The following HDAC9 variants were observed in gnomAD, a reference collection of about 807,000 sequenced individuals.
HDAC9 encodes histone deacetylase 9.
Under a neutral mutation model 139.4 loss-of-function variants are expected in HDAC9, and 41 were observed. That is an observed-to-expected ratio of 0.29 (90% CI 0.23 to 0.38). HDAC9 has a LOEUF of 0.38. Ranked by LOEUF, HDAC9 falls within the 10% of genes least tolerant of loss-of-function variation. The pLI is 1.00. For missense variants in HDAC9, 1,147 were observed against 1,297.0 expected (o/e 0.88, Z 1.78); for synonymous variants, 517 against 476.2 (o/e 1.09, Z -1.12).
intron 22 of HDAC9, among the ~76,000 whole-genome samples, chr7:18,884,050 A>T (rs1275375774): frequency 1.3e-5 from 2 of 152,190 alleles, no homozygotes; most frequent in African/African-American, 4.8e-5. Flanking sequence ...ATTGAAGAAG[A>T]TGTAAGTAAA....
chr7:18,897,319 T>A (rs1405615587), intron 22 of HDAC9, among the ~76,000 whole-genome samples: 2 of 151,996 alleles, frequency 1.3e-5, no homozygotes, highest in Non-Finnish European at 2.9e-5. Flanking sequence ...AAATGATCGC[T>A]TATTGAATAA....
chr7:18,519,200 C>A (rs1007904551), intron 2 of HDAC9, among the ~76,000 whole-genome samples: 2 of 152,134 alleles, frequency 1.3e-5, no homozygotes, highest in Non-Finnish European at 2.9e-5. Context: ...GTGATGTCAT[C>A]ACAACTCATT....
intron 12 of HDAC9, among the ~76,000 whole-genome samples, chr7:18,693,520 TAGGG>T (rs1368500576): frequency 6.6e-6 from 1 of 152,064 alleles, no homozygotes; most frequent in Non-Finnish European, 1.5e-5. Flanking sequence ...AATTTTCAAA[TAGGG>T]AGGAGAGAGA....
At chr7:18,977,346 T>C (rs968441089) in intron 25 of HDAC9, among the ~76,000 whole-genome samples, 2 of 152,208 alleles carry the variant, frequency 1.3e-5, no homozygotes, top group African/African-American at 4.8e-5. Context: ...TCTGTTAGTG[T>C]TGGATATAAA....
At chr7:18,749,704 AC>A (rs1329488575) in intron 14 of HDAC9, among the ~76,000 whole-genome samples, 10 of 152,186 alleles carry the variant, frequency 6.6e-5, no homozygotes, top group African/African-American at 2.2e-4. Flanking sequence ...GGAAAAATAT[AC>A]CTTTTTATGC....
At chr7:18,127,313 T>C (rs1206305083) in intron 1 of HDAC9, 1 of 170,356 alleles carries the variant, frequency 5.9e-6, no homozygotes, top group African/African-American at 2.4e-5. Flanking sequence ...ATTTGTTGCT[T>C]ATCTGAAATT....
intron 2 of HDAC9, among the ~76,000 whole-genome samples, chr7:18,535,722 C>CAAAAAA (rs72123660): frequency 1.4e-4 from 7 of 49,234 alleles, no homozygotes; most frequent in East Asian, 6.7e-4. Flanking sequence ...AGGCATTAAG[C>CAAAAAA]AAAAAAAAAA....
At chr7:18,104,440 A>C (rs1390439589) in intron 1 of HDAC9, among the ~76,000 whole-genome samples, 1 of 152,128 alleles carries the variant, frequency 6.6e-6, no homozygotes, top group African/African-American at 2.4e-5. Context: ...CTTGTCTGAG[A>C]AATTTAAAAA....
chr7:18,144,570 C>G (rs961691165), intron 1 of HDAC9, among the ~76,000 whole-genome samples: 1 of 152,178 alleles, frequency 6.6e-6, no homozygotes, highest in African/African-American at 2.4e-5. Context: ...TCATACCCTC[C>G]TCTGCTATAT....
chr7:18,300,803 A>G (rs1402883056), intron 1 of HDAC9, among the ~76,000 whole-genome samples: 2 of 152,170 alleles, frequency 1.3e-5, no homozygotes, highest in Admixed American at 1.3e-4. Context: ...CTAGAAGACA[A>G]AGATGATTTT....
At chr7:18,477,717 A>G (rs1795223937) in intron 1 of HDAC9, among the ~76,000 whole-genome samples, 1 of 152,124 alleles carries the variant, frequency 6.6e-6, no homozygotes. Flanking sequence ...TCGATTCTTA[A>G]AATTGGCCAT....
chr7:18,396,884 C>T (rs535544638), intron 1 of HDAC9, among the ~76,000 whole-genome samples: 1 of 152,130 alleles, frequency 6.6e-6, no homozygotes. Flanking sequence ...TTGTAAAACA[C>T]ATTTTTGTTT....
intron 2 of HDAC9, among the ~76,000 whole-genome samples, chr7:18,198,910 T>C (rs948693767): frequency 2.0e-5 from 3 of 152,100 alleles, no homozygotes; most frequent in Non-Finnish European, 4.4e-5. Context: ...CCCAGGATCA[T>C]GCGTTGTTTT....
chr7:18,134,004 G>C (rs1435601473), intron 1 of HDAC9, among the ~76,000 whole-genome samples: 1 of 147,106 alleles, frequency 6.8e-6, no homozygotes, highest in African/African-American at 2.5e-5. Context: ...TAATGTGTCT[G>C]AGCACCACTT....
At chr7:18,865,214 G>C (rs367977620) in intron 21 of HDAC9, among the ~76,000 whole-genome samples, 2 of 152,196 alleles carry the variant, frequency 1.3e-5, no homozygotes, top group South Asian at 4.1e-4. Flanking sequence ...ATCCAGGTGA[G>C]CAGTAAAGTT....
intron 2 of HDAC9, among the ~76,000 whole-genome samples, chr7:18,580,996 C>T (rs968561763): frequency 6.6e-6 from 1 of 152,040 alleles, no homozygotes; most frequent in Non-Finnish European, 1.5e-5. Context: ...ACCCACAATG[C>T]AATTAATGTT....
intron 16 of HDAC9, among the ~76,000 whole-genome samples, chr7:18,768,428 G>C (rs1390174049): frequency 6.6e-6 from 1 of 152,106 alleles, no homozygotes; most frequent in South Asian, 2.1e-4. Context: ...CTTTGTGACA[G>C]CTCACCAGTG....
At chr7:18,686,207 G>A (rs1236570572) in intron 12 of HDAC9, among the ~76,000 whole-genome samples, 2 of 152,024 alleles carry the variant, frequency 1.3e-5, no homozygotes, top group East Asian at 3.9e-4. Flanking sequence ...TCAAAATACA[G>A]TACTTTCAAC....
chr7:18,396,204 C>T (rs1199437769), intron 1 of HDAC9, among the ~76,000 whole-genome samples: 1 of 149,002 alleles, frequency 6.7e-6, no homozygotes, highest in Non-Finnish European at 1.5e-5. Context: ...ACATTGTGTG[C>T]CAGGTACTAT....
Sources: gnomAD v4.1 joint callset for allele counts (sites outside exome capture counted in the v4.1 genomes callset) on GRCh38, gnomAD v4.1.1 for gene constraint, MANE v1.5 for transcripts, NCBI Gene and HGNC (gene_info 2026-07-23, HGNC 2026-07-21) for gene names.